Variants in CLCN7 observed in about 807,000 individuals in gnomAD.
The protein encoded by CLCN7 is H(+)/Cl(-) exchange transporter 7.
Under a neutral mutation model 102.1 loss-of-function variants are expected in CLCN7, and 60 were observed. That is an observed-to-expected ratio of 0.59 (90% CI 0.48 to 0.73). The LOEUF is 0.73. Among genes scored for constraint, CLCN7 ranks in the 30% least tolerant of loss-of-function variants. The probability of loss-of-function intolerance (pLI) is 0.00; values close to 1 mark genes in which losing one functional copy is unlikely to be tolerated. For missense variants in CLCN7, 962 were observed against 1,125.7 expected (o/e 0.85, Z 2.08); for synonymous variants, 560 against 490.5 (o/e 1.14, Z -1.87).
intron 7 of CLCN7, among the ~76,000 whole-genome samples, chr16:1,458,846 G>T (rs992799791): frequency 3.3e-5 from 5 of 152,212 alleles, no homozygotes; most frequent in African/African-American, 1.2e-4. Flanking sequence ...GCGTCGCACA[G>T]CTGTGTCACA....
At chr16:1,459,340 G>A (rs2038893410) in intron 6 of CLCN7, 153 bp from the exon 7 acceptor site, 2 of 609,942 alleles carry the variant, frequency 3.3e-6, no homozygotes, top group Admixed American at 5.3e-5. Flanking sequence ...GGGCCCCAGG[G>A]AAGGGAAGAG....
At chr16:1,464,973 C>G (rs1400423554) in intron 2 of CLCN7, among the ~76,000 whole-genome samples, 1 of 152,136 alleles carries the variant, frequency 6.6e-6, no homozygotes, top group Non-Finnish European at 1.5e-5. Flanking sequence ...ACTGCCCCCC[C>G]AAGATCCCTG....
chr16:1,452,414 G>A (rs1300577232), intron 15 of CLCN7: 9 of 359,070 alleles, frequency 2.5e-5, no homozygotes, highest in Non-Finnish European at 4.7e-5. Flanking sequence ...GCCAGGCACA[G>A]GTCCAGTTGT....
At chr16:1,449,919 A>C (rs573654156) in intron 17 of CLCN7, 14 of 180,654 alleles carry the variant, frequency 7.7e-5, no homozygotes, top group Admixed American at 1.6e-4. Flanking sequence ...GGCAGAGCAC[A>C]CGGGCCTGGG....
chr16:1,454,455 T>C lies in CLCN7; in HGVS notation c.1109A>G (p.Tyr370Cys). Reference sequence around the variant, plus strand: ...GAAGACCGGGATCTCGTGGATCGTGTAGGCCATTTTCTGTGCAGAGAGAGG... The same window carrying C: ...GAAGACCGGGATCTCGTGGATCGTGCAGGCCATTTTCTGTGCAGAGAGAGG... Reference protein sequence around the residue: ...FGRFDSEKMAYTIHEIPVFIA... With the variant: ...FGRFDSEKMACTIHEIPVFIA... Residue 370 changes from tyrosine (Y) to cysteine (C), a missense_variant, in exon 13 of 25, where the codon TAC becomes TGC. Physicochemically the swap from Tyr to Cys is radical, Grantham distance 194. Coordinates refer to ENST00000382745, the MANE Select transcript of CLCN7 (RefSeq NM_001287.6). 1 of 1,613,606 alleles carries C rather than the reference T, an allele frequency of 6.2e-7. No individual in the cohort carries two copies. The highest frequency in any genetic ancestry group is 8.5e-7 in the Non-Finnish European group (1 of 1,179,952).
intron 12 of CLCN7, among the ~76,000 whole-genome samples, chr16:1,454,735 T>C (rs2038807198): frequency 1.3e-5 from 2 of 150,772 alleles, no homozygotes; most frequent in African/African-American, 5.0e-5. Flanking sequence ...ACTGGGAACA[T>C]AGCCCGTGGT....
Position 1,446,445 on chromosome 16 carries a change from C to T in CLCN7, c.*186G>A, listed in dbSNP as rs1475709217. ...GAGGCGCCAAGGGGGGAGACCACTG[C>T]CCACAACAGGGTCAGTCCCGCGAGA... is the stretch of plus-strand genomic sequence containing the variant. On this transcript the variant is annotated 3_prime_UTR_variant, in exon 25 of 25. Transcript: ENST00000382745. The T allele has an allele frequency of 1.4e-6, 1 of 707,046 alleles. No homozygotes were observed. The highest frequency in any genetic ancestry group is 2.6e-6 in the Non-Finnish European group (1 of 389,006). The allele number at this position is 707,046 out of a possible 1,614,324, so 43.8% of individuals were successfully genotyped here. A position where few individuals can be genotyped will look rare whatever the true frequency, so the allele number is the denominator to read the frequency against.
In CLCN7 at chr16:1,474,983, G is replaced by A. The variant is rs916054178; in HGVS notation, c.-9C>T. On this transcript the variant is annotated 5_prime_UTR_variant, in exon 1 of 25. Transcript: ENST00000382745. Reference sequence around the variant, plus strand: ...TTAGAGACGTTGGCCATGGCCCGCCGCGGAGCGACACCGGCCGGGAAGCGC... The same window carrying A: ...TTAGAGACGTTGGCCATGGCCCGCCACGGAGCGACACCGGCCGGGAAGCGC... 25 of 1,476,484 alleles carry A rather than the reference G, an allele frequency of 1.7e-5. No individual in the cohort carries two copies. Among genetic ancestry groups the A allele is most frequent in the Non-Finnish European group, 2.1e-5 (23 of 1,116,610 alleles). 91.5% of individuals were successfully genotyped at this position (1,476,484 alleles called of 1,614,324 possible).
chr16:1,451,442 G>C (rs1279619321), intron 16 of CLCN7, among the ~76,000 whole-genome samples, 181 bp downstream of exon 16: 1 of 152,166 alleles, frequency 6.6e-6, no homozygotes, highest in African/African-American at 2.4e-5. Flanking sequence ...AGGCTCAAGT[G>C]ATCCTCCTGC....
chr16:1,457,714 C>T lies in CLCN7; in HGVS notation c.718G>A (p.Gly240Arg), dbSNP rs1360480518. Reference protein sequence around the residue: ...KVSGVILSVVGGLAVGKEGPM... With the variant: ...KVSGVILSVVRGLAVGKEGPM... ...GTTACCTTTCCCACGGCCAGGCCCC[C>T]GACCACGGACAGGATCACACCGGAC... The change falls in exon 8 of 25, where the codon GGG (glycine) becomes AGG (arginine). Residue 240 changes from glycine to arginine, a missense_variant. By Grantham distance (125) the Gly-to-Arg change is moderately radical. Transcript: ENST00000382745. The surrounding 1 kb of genome is among the most constrained non-coding windows in gnomAD (Gnocchi z 5.4). The T allele has an allele frequency of 1.4e-5, 23 of 1,613,784 alleles. No individual in the cohort carries two copies. Among genetic ancestry groups the T allele is most frequent in the Middle Eastern group, 1.6e-4 (1 of 6,084 alleles).
chr16:1,466,470 T>C (rs1043166902), intron 1 of CLCN7: 2 of 152,404 alleles, frequency 1.3e-5, no homozygotes, highest in Non-Finnish European at 2.9e-5. Context: ...GGGCCCAGTT[T>C]TCCCTCAACC....
Position 1,446,334 on chromosome 16 carries a change from G to T in CLCN7, c.*297C>A. On this transcript the variant is annotated 3_prime_UTR_variant, in exon 25 of 25. Coordinates refer to ENST00000382745, the MANE Select transcript of CLCN7 (RefSeq NM_001287.6). ...GCCGCTGGCTCCCAAGAGGCCGATA[G>T]CCCGGTAGGGAGGTCACACACACAC... 1.4e-6 allele frequency: 1 copy of T among 701,934 alleles called. No homozygotes were observed. The highest frequency in any genetic ancestry group is 1.5e-5 in the South Asian group (1 of 67,576). The allele number at this position is 701,934 out of a possible 1,614,324, so 43.5% of individuals were successfully genotyped here. A position where few individuals can be genotyped will look rare whatever the true frequency, so the allele number is the denominator to read the frequency against.
rs757699034 is a variant in CLCN7, at chr16:1,465,282, A to C, written c.198T>G (p.Asp66Glu). Residue 66 changes from aspartate (D) to glutamate (E), a missense_variant, in exon 2 of 25, where the codon GAT (aspartate) becomes GAG (glutamate). Physicochemically the swap from Asp to Glu is conservative, Grantham distance 45. Around this residue, in one of 2 missense-constraint regions of CLCN7, gnomAD observed 163 missense variants for 137.7 expected, o/e 1.18. Coordinates refer to ENST00000382745, the MANE Select transcript of CLCN7 (RefSeq NM_001287.6). Reference sequence around the variant, plus strand: ...CCCAACTCACCGGGTCCAAAAGTTCATCATCCAGCTCCACGCTGCTCATAT... The same window carrying C: ...CCCAACTCACCGGGTCCAAAAGTTCCTCATCCAGCTCCACGCTGCTCATAT... ...VGHMSSVELD[D>E]ELLDPDMDPP... 4.3e-6 allele frequency: 7 copies of C among 1,613,734 alleles called. No homozygotes were observed. The highest frequency in any genetic ancestry group is 2.2e-5 in the South Asian group (2 of 91,020).
In CLCN7 at chr16:1,452,705, G is replaced by A. The variant is rs115993594; in HGVS notation, c.1353+50C>T. 1.9e-5 allele frequency: 30 copies of A among 1,549,282 alleles called. No homozygotes were observed. In the East Asian group the frequency reaches 2.4e-4, roughly 13 times the overall value. ...AGCCTAAGCGAGCCTCCTGGAGGCC[G>A]CCCTGTGGCTGCCCTGCCTGCTGGA... On this transcript the variant is annotated intron_variant, in intron 15 of 24. Coordinates refer to ENST00000382745, the MANE Select transcript of CLCN7 (RefSeq NM_001287.6).
chr16:1,456,541 C>T (rs555361033), intron 9 of CLCN7, among the ~76,000 whole-genome samples: 79 of 152,316 alleles, frequency 5.2e-4, no homozygotes, highest in African/African-American at 1.8e-3. Flanking sequence ...ACGCTGCCTG[C>T]CTCTAAATTC....
In CLCN7 at chr16:1,448,931, C is replaced by A. The variant is rs368913050; in HGVS notation, c.1797+35G>T. 1.1e-4 allele frequency: 178 copies of A among 1,610,616 alleles called. No individual in the cohort carries two copies. In the African/African-American group the frequency reaches 1.2e-3, roughly 11 times the overall value. ...GGCCCCTCCCCTATGGCAGCACCCA[C>A]GCTCTCAGGGTGAGGCTTCGAGGCC... On this transcript the variant is annotated intron_variant, in intron 19 of 24. Transcript: ENST00000382745.
rs1203928107 is a variant in CLCN7, at chr16:1,446,472, G to A, written c.*159C>T. Reference sequence around the variant, plus strand: ...CACAACAGGGTCAGTCCCGCGAGAGGGTCAGTTCCGCGCCTGCCGCCTGCC... The same window carrying A: ...CACAACAGGGTCAGTCCCGCGAGAGAGTCAGTTCCGCGCCTGCCGCCTGCC... On this transcript the variant is annotated 3_prime_UTR_variant, in exon 25 of 25. Coordinates refer to ENST00000382745, the MANE Select transcript of CLCN7 (RefSeq NM_001287.6). The A allele has an allele frequency of 4.1e-6, 3 of 729,764 alleles. No homozygotes were observed. The highest frequency in any genetic ancestry group is 1.7e-5 in the African/African-American group (1 of 57,722). 45.2% of individuals were successfully genotyped at this position (729,764 alleles called of 1,614,324 possible).
intron 4 of CLCN7, 58 bp downstream of exon 4, chr16:1,461,347 C>A (rs1250550168): frequency 6.2e-6 from 9 of 1,458,600 alleles, no homozygotes; most frequent in Non-Finnish European, 8.4e-6. Context: ...CAGCCCCAGG[C>A]CCGGCCGGCA....
intron 1 of CLCN7, among the ~76,000 whole-genome samples, chr16:1,465,705 T>G (rs981486737): frequency 1.3e-5 from 2 of 152,208 alleles, no homozygotes; most frequent in Non-Finnish European, 2.9e-5. Flanking sequence ...TGCCCAACCC[T>G]GCTCCCGAGG....
Sources: gnomAD v4.1 joint callset for allele counts (sites outside exome capture counted in the v4.1 genomes callset) on GRCh38, gnomAD v4.1.1 for gene constraint, gnomAD v4.1.1 regional missense constraint, Gnocchi (gnomAD v3.1) non-coding constraint, MANE v1.5 for transcripts, NCBI Gene and HGNC (gene_info 2026-07-23, HGNC 2026-07-21) for gene names.